CNTLN: variants seen among roughly 807,000 people sequenced by gnomAD.
The protein encoded by CNTLN is centlein.
CNTLN carries 212 observed loss-of-function variants against 180.0 expected under a neutral mutation model. The observed-to-expected ratio is 1.18, with a 90% CI of 1.05 to 1.32. The LOEUF (loss-of-function observed/expected upper bound fraction) is 1.32, where lower values mean the gene tolerates loss of function less well. Ranked by LOEUF, CNTLN falls within the 40% of genes most tolerant of loss-of-function variation. CNTLN has a pLI of 0.00. For synonymous variants in CNTLN, 722 were observed against 563.1 expected (o/e 1.28, Z -3.99); for missense variants, 2,095 against 1,610.9 (o/e 1.30, Z -5.14).
At chr9:17,187,159 T>C (rs1283513337) in intron 2 of CNTLN, among the ~76,000 whole-genome samples, 2 of 152,138 alleles carry the variant, frequency 1.3e-5, no homozygotes, top group Admixed American at 1.3e-4. Flanking sequence ...TTGTTACTTA[T>C]TAGCTTTGAT....
chr9:17,332,514 A>T (rs1733862607), intron 9 of CNTLN, 91 bp from the exon 10 acceptor site: 1 of 1,188,168 alleles, frequency 8.4e-7, no homozygotes, highest in Non-Finnish European at 1.2e-6. Context: ...ATTCATTATT[A>T]GTATTCAAAA....
intron 2 of CNTLN, among the ~76,000 whole-genome samples, chr9:17,194,603 A>G (rs1014790290): frequency 1.3e-5 from 2 of 152,198 alleles, no homozygotes; most frequent in Non-Finnish European, 2.9e-5. Flanking sequence ...GATCAATGCC[A>G]TTCAACAAGT....
At chr9:17,481,810 C>T (rs762881532) in intron 23 of CNTLN, among the ~76,000 whole-genome samples, 2 of 152,214 alleles carry the variant, frequency 1.3e-5, no homozygotes, top group Non-Finnish European at 2.9e-5. Flanking sequence ...AGAGCCCAAC[C>T]AGTGGCCCCA....
intron 12 of CNTLN, among the ~76,000 whole-genome samples, chr9:17,365,618 A>G (rs534128161): frequency 5.9e-5 from 9 of 152,166 alleles, no homozygotes; most frequent in Non-Finnish European, 1.0e-4. Context: ...AGTGTTATGT[A>G]TTAACATTTT....
intron 2 of CNTLN, among the ~76,000 whole-genome samples, chr9:17,194,031 G>T (rs1821962112): frequency 6.6e-6 from 1 of 152,172 alleles, no homozygotes; most frequent in Non-Finnish European, 1.5e-5. Context: ...TTCAGTCATG[G>T]CCAGAGCAGC....
rs536427507 is a variant in CNTLN at position 17,450,981 on chromosome 9, G to A, written c.3115-6543G>A. On this transcript the variant is annotated intron_variant, in intron 18 of 25. Coordinates refer to ENST00000380647, the MANE Select transcript of CNTLN (RefSeq NM_017738.4). ...CTGAACTATTTACCTTTTTAAATAAGTTGTATGGAAAATATTTGTTAATGA... is the reference window on the plus strand; with the variant it reads ...CTGAACTATTTACCTTTTTAAATAAATTGTATGGAAAATATTTGTTAATGA... Among the ~76,000 whole-genome samples the A allele has an allele frequency of 2.0e-5, 3 of 152,146 alleles. No individual in the cohort carries two copies. In the South Asian group the frequency reaches 6.2e-4, roughly 32 times the overall value.
At chr9:17,270,069 A>G (rs544618243) in intron 5 of CNTLN, among the ~76,000 whole-genome samples, 1 of 152,174 alleles carries the variant, frequency 6.6e-6, no homozygotes, top group East Asian at 1.9e-4. Context: ...GTGGAAGATC[A>G]TATTGGCTGC....
chr9:17,452,782 C>T (rs1293902540), intron 18 of CNTLN, among the ~76,000 whole-genome samples: 2 of 152,044 alleles, frequency 1.3e-5, no homozygotes, highest in African/African-American at 4.8e-5. Flanking sequence ...CGAAAAAAAG[C>T]AGTTTGTGAA....
At chr9:17,211,820 G>T (rs866332515) in intron 2 of CNTLN, among the ~76,000 whole-genome samples, 2 of 152,064 alleles carry the variant, frequency 1.3e-5, no homozygotes, top group South Asian at 4.1e-4. Context: ...TGAAGCAATT[G>T]TGAATGGGAG....
the CNTLN span, among the ~76,000 whole-genome samples, chr9:17,525,528 T>C: frequency 2.0e-5 from 3 of 152,238 alleles, no homozygotes; most frequent in African/African-American, 7.2e-5. Context: ...GTGTTATTTC[T>C]TATAATTCAA....
intron 18 of CNTLN, among the ~76,000 whole-genome samples, chr9:17,450,843 G>A (rs1249096271): frequency 6.6e-6 from 1 of 151,516 alleles, no homozygotes; most frequent in Non-Finnish European, 1.5e-5. Flanking sequence ...TTTGGTTATT[G>A]GTTTTTAATT....
At chr9:17,297,333 T>C (rs1169525878) in intron 6 of CNTLN, among the ~76,000 whole-genome samples, 1 of 152,230 alleles carries the variant, frequency 6.6e-6, no homozygotes, top group Non-Finnish European at 1.5e-5. Flanking sequence ...ATATTCAAAG[T>C]GGGTCTTGAA....
chr9:17,382,423 G>C (rs1189520612), intron 13 of CNTLN, among the ~76,000 whole-genome samples: 1 of 152,086 alleles, frequency 6.6e-6, no homozygotes, highest in African/African-American at 2.4e-5. Context: ...GCCAAATCAA[G>C]GGAACATCTT....
intron 23 of CNTLN, among the ~76,000 whole-genome samples, chr9:17,468,205 C>T (rs538005862): frequency 6.6e-6 from 1 of 151,558 alleles, no homozygotes; most frequent in South Asian, 2.1e-4. Context: ...CACATGGACA[C>T]AAAGAAGGCA....
At chr9:17,502,413 G>C (rs2134430245) in intron 25 of CNTLN, 138 bp from the exon 26 acceptor site, 1 of 467,680 alleles carries the variant, frequency 2.1e-6, no homozygotes, top group African/African-American at 2.1e-5. Flanking sequence ...AAGATCAGTA[G>C]AAAAGAGATC....
chr9:17,290,225 T>A (rs375880009), intron 6 of CNTLN, among the ~76,000 whole-genome samples: 9 of 151,934 alleles, frequency 5.9e-5, no homozygotes, highest in Admixed American at 3.3e-4. Flanking sequence ...TTTCCTTCTA[T>A]CAGACAGGAC....
intron 12 of CNTLN, among the ~76,000 whole-genome samples, chr9:17,355,502 A>T (rs1043277709): frequency 3.3e-5 from 5 of 152,202 alleles, no homozygotes; most frequent in Non-Finnish European, 7.3e-5. Context: ...CTCAGAATCC[A>T]TAATGAAATC....
At chr9:17,464,677 C>T in intron 21 of CNTLN, 54 bp downstream of exon 21, 1 of 1,097,862 alleles carries the variant, frequency 9.1e-7, no homozygotes, top group Non-Finnish European at 1.3e-6. Flanking sequence ...GTTGTAATTA[C>T]TCTCTTACCA....
chr9:17,190,568 C>T lies in CNTLN; in HGVS notation c.450-35635C>T, dbSNP rs186039718. On this transcript the variant is annotated intron_variant, in intron 2 of 25. Transcript: ENST00000380647. ...TGTTATAGTGAGAGTTTCAAATATC[C>T]GCCTCCTAATGAAGTTGATTGACAG... Among the ~76,000 whole-genome samples, 50 of 151,948 alleles carry T rather than the reference C, an allele frequency of 3.3e-4. 1 individual carries two copies. The highest frequency in any genetic ancestry group is 1.2e-3 in the African/African-American group (49 of 41,448).
Sources: gnomAD v4.1 joint callset for allele counts (sites outside exome capture counted in the v4.1 genomes callset) on GRCh38, gnomAD v4.1.1 for gene constraint, MANE v1.5 for transcripts, NCBI Gene and HGNC (gene_info 2026-07-23, HGNC 2026-07-21) for gene names.